ZGRF1: variants seen among roughly 807,000 people sequenced by gnomAD.
The protein encoded by ZGRF1 is 5'-3' DNA helicase ZGRF1.
In ZGRF1, 196 loss-of-function variants were observed where a neutral mutation model predicts 203.5. The ratio of observed to expected loss-of-function variants is 0.96; its 90% CI spans 0.86 to 1.08. The LOEUF (loss-of-function observed/expected upper bound fraction) is 1.08. Among genes scored for constraint, ZGRF1 ranks in the 50% least tolerant of loss-of-function variants. ZGRF1 has a pLI of 0.00. For synonymous variants in ZGRF1, 809 were observed against 841.3 expected (o/e 0.96, Z 0.66); for missense variants, 2,326 against 2,416.3 (o/e 0.96, Z 0.78).
At chr4:112,616,792 G>A (rs542147029) in intron 6 of ZGRF1, among the ~76,000 whole-genome samples, 5 of 151,166 alleles carry the variant, frequency 3.3e-5, no homozygotes, top group Admixed American at 6.6e-5. Flanking sequence ...AGCCGAGATC[G>A]CGCCACTGCA....
chr4:112,570,737 TCA>T (rs1744054570), intron 16 of ZGRF1, among the ~76,000 whole-genome samples: 1 of 152,074 alleles, frequency 6.6e-6, no homozygotes, highest in Non-Finnish European at 1.5e-5. Context: ...GCTAAATGAC[TCA>T]CAGGTTAAAA....
chr4:112,561,007 G>A lies in ZGRF1; in HGVS notation c.4698-12C>T, dbSNP rs772832093. On this transcript the variant is annotated splice_polypyrimidine_tract_variant and intron_variant, in intron 18 of 27. Coordinates refer to ENST00000505019, the MANE Select transcript of ZGRF1 (RefSeq NM_018392.5). Reference sequence around the variant, plus strand: ...TAGTTGGCGAAGACCTAATAAAAATGAAGCAAATAAACAATTTTAAAAAAA... The same window carrying A: ...TAGTTGGCGAAGACCTAATAAAAATAAAGCAAATAAACAATTTTAAAAAAA... The A allele has an allele frequency of 1.3e-6, 2 of 1,587,894 alleles. No individual in the cohort carries two copies. Among genetic ancestry groups the A allele is most frequent in the Non-Finnish European group, 8.6e-7 (1 of 1,160,034 alleles).
Position 112,620,207 on chromosome 4 carries a change from C to A in ZGRF1, c.163-17G>T. On this transcript the variant is annotated splice_polypyrimidine_tract_variant and intron_variant, in intron 4 of 27. Coordinates refer to ENST00000505019, the MANE Select transcript of ZGRF1 (RefSeq NM_018392.5). ...AGGTTTCACCTGAAAGAATAAATGT[C>A]AAAATCACATACATCTAATTATTTG... 1.3e-6 allele frequency: 2 copies of A among 1,584,118 alleles called. No homozygotes were observed. The highest frequency in any genetic ancestry group is 2.3e-5 in the South Asian group (2 of 86,916).
At chr4:112,564,489 T>C (rs1467755046) in intron 16 of ZGRF1, among the ~76,000 whole-genome samples, 5 of 152,158 alleles carry the variant, frequency 3.3e-5, no homozygotes, top group Admixed American at 6.5e-5. Flanking sequence ...GAATGAGAGA[T>C]TGAAGTGAAG....
chr4:112,615,633 CTTTT>C (rs1190163561), intron 6 of ZGRF1, among the ~76,000 whole-genome samples: 1 of 139,126 alleles, frequency 7.2e-6, no homozygotes, highest in African/African-American at 2.6e-5. Flanking sequence ...AAGCTTTTTA[CTTTT>C]TTTTTTTTTT....
At chr4:112,554,034 C>G (rs751314619) in intron 21 of ZGRF1, 52 bp from the exon 22 acceptor site, 4 of 1,473,846 alleles carry the variant, frequency 2.7e-6, no homozygotes, top group Non-Finnish European at 3.7e-6. Context: ...CATAACATCA[C>G]AGTAAAGCAA....
chr4:112,544,535 T>C (rs1738365762), intron 24 of ZGRF1, among the ~76,000 whole-genome samples: 1 of 152,216 alleles, frequency 6.6e-6, no homozygotes, highest in Non-Finnish European at 1.5e-5. Flanking sequence ...ACTGTGTCCC[T>C]TTCCCAGAGA....
intron 20 of ZGRF1, 85 bp from the exon 21 acceptor site, chr4:112,554,867 T>C: frequency 3.0e-6 from 2 of 670,518 alleles, no homozygotes; most frequent in Non-Finnish European, 5.0e-6. Flanking sequence ...TACAACTAAT[T>C]TTGTGTAACA....
At chr4:112,548,185 C>T (rs989138575) in intron 23 of ZGRF1, 68 bp downstream of exon 23, 75 of 1,442,314 alleles carry the variant, frequency 5.2e-5, no homozygotes, top group Non-Finnish European at 6.2e-5. Context: ...AAGCAATCCA[C>T]CTGCCTCAGC....
At chr4:112,600,738 T>C (rs1444389092) in intron 10 of ZGRF1, among the ~76,000 whole-genome samples, 1 of 152,114 alleles carries the variant, frequency 6.6e-6, no homozygotes, top group Non-Finnish European at 1.5e-5. Flanking sequence ...CTAGCCCTCC[T>C]AGGCTCCTAT....
intron 16 of ZGRF1, among the ~76,000 whole-genome samples, chr4:112,581,107 G>A (rs1244736523): frequency 6.6e-6 from 1 of 152,004 alleles, no homozygotes; most frequent in Non-Finnish European, 1.5e-5. Flanking sequence ...CATAAAAAAG[G>A]ATGAGTTCAT....
At chr4:112,619,924 A>G (rs2047009739) in intron 5 of ZGRF1, 78 bp downstream of exon 5, 1 of 1,237,646 alleles carries the variant, frequency 8.1e-7, no homozygotes, top group South Asian at 1.7e-5. Flanking sequence ...ACAGAGTACA[A>G]TAACTTCAAA....
chr4:112,545,313 A>G (rs1738533854), intron 24 of ZGRF1, among the ~76,000 whole-genome samples: 1 of 151,978 alleles, frequency 6.6e-6, no homozygotes, highest in South Asian at 2.1e-4. Context: ...AAACCAAACA[A>G]CCCAATTAAA....
At chr4:112,569,039 C>T (rs914049125) in intron 16 of ZGRF1, among the ~76,000 whole-genome samples, 16 of 151,860 alleles carry the variant, frequency 1.1e-4, no homozygotes, top group Non-Finnish European at 2.1e-4. Context: ...AATCACAGTG[C>T]CATCAGACTT....
intron 17 of ZGRF1, among the ~76,000 whole-genome samples, 153 bp from the exon 18 acceptor site, chr4:112,562,638 A>T (rs1742222023): frequency 6.6e-6 from 1 of 152,350 alleles, no homozygotes; most frequent in South Asian, 2.1e-4. Flanking sequence ...TCCCAAACTT[A>T]TATTCATTAA....
intron 7 of ZGRF1, among the ~76,000 whole-genome samples, 171 bp downstream of exon 7, chr4:112,612,353 T>G (rs1269976104): frequency 6.6e-6 from 1 of 152,184 alleles, no homozygotes; most frequent in African/African-American, 2.4e-5. Context: ...ACATAATAAA[T>G]GAAACTGTTA....
In ZGRF1 at chr4:112,578,037, A is replaced by G. The variant is rs368338968; in HGVS notation, c.4438+3626T>C. ...TTGACCATATAGTTGGAAGTAAAAC[A>G]CTCCTCAGCAAATGTGAAAGAACAG... On this transcript the variant is annotated intron_variant, in intron 16 of 27. Coordinates refer to ENST00000505019, the MANE Select transcript of ZGRF1 (RefSeq NM_018392.5). Among the ~76,000 whole-genome samples, 5 of 122,430 alleles carry G rather than the reference A, an allele frequency of 4.1e-5. 2 individuals carry two copies. In the South Asian group the frequency reaches 1.5e-3, roughly 38 times the overall value. The allele number at this position is 122,430 out of a possible 152,430, so 80.3% of individuals were successfully genotyped here.
At chr4:112,601,286 A>T (rs529759553) in intron 10 of ZGRF1, among the ~76,000 whole-genome samples, 58 of 152,144 alleles carry the variant, frequency 3.8e-4, no homozygotes, top group Non-Finnish European at 7.9e-4. Flanking sequence ...GTAGTGGCTC[A>T]TGCCTGTAAT....
intron 10 of ZGRF1, among the ~76,000 whole-genome samples, chr4:112,602,296 T>A (rs563978418): frequency 2.6e-4 from 40 of 151,770 alleles, no homozygotes; most frequent in African/African-American, 8.5e-4. Flanking sequence ...AACCTCACTA[T>A]CAGGCAGGAA....
Sources: gnomAD v4.1 joint callset for allele counts (sites outside exome capture counted in the v4.1 genomes callset) on GRCh38, gnomAD v4.1.1 for gene constraint, MANE v1.5 for transcripts, NCBI Gene and HGNC (gene_info 2026-07-23, HGNC 2026-07-21) for gene names.